DAPK2: variants seen among roughly 807,000 people sequenced by gnomAD.
The protein encoded by DAPK2 is death associated protein kinase 2, also known as death-associated protein kinase 2.
DAPK2 carries 35 observed loss-of-function variants against 44.1 expected under a neutral mutation model. The observed-to-expected ratio is 0.79, with a 90% CI of 0.61 to 1.05. The LOEUF (loss-of-function observed/expected upper bound fraction) is 1.05. Ranked by LOEUF, DAPK2 falls within the 50% of genes least tolerant of loss-of-function variation. The pLI is 0.00. For synonymous variants in DAPK2, 174 were observed against 182.6 expected, an observed-to-expected ratio of 0.95 and a Z score of 0.38; for missense variants, 453 against 483.2, an observed-to-expected ratio of 0.94 and a Z score of 0.59.
intron 1 of DAPK2, among the ~76,000 whole-genome samples, chr15:64,018,111 A>G (rs1317839275): frequency 6.6e-6 from 1 of 152,196 alleles, no homozygotes; most frequent in African/African-American, 2.4e-5. Context: ...CAAAACATAC[A>G]TCCTTTCTCT....
intron 1 of DAPK2, among the ~76,000 whole-genome samples, chr15:64,005,757 G>A (rs562944681): frequency 1.3e-5 from 2 of 152,172 alleles, no homozygotes; most frequent in South Asian, 4.1e-4. Flanking sequence ...GGCTGGGCAT[G>A]GTGGTGCGTG....
intron 8 of DAPK2, among the ~76,000 whole-genome samples, chr15:63,915,138 AGTT>A (rs752281455): frequency 2.0e-5 from 3 of 152,224 alleles, no homozygotes; most frequent in African/African-American, 7.2e-5. Context: ...CTATGTAAAT[AGTT>A]GTCACACTGT....
Position 63,939,391 on chromosome 15 carries a change from AG to A in DAPK2, c.454-31del. Reference sequence around the variant, plus strand: ...ACAACAAAAAGTAGAAAAAAAAAAAAGGAAGGAAGAAAAGAAAAAAAAAGAC... The same window carrying A: ...ACAACAAAAAGTAGAAAAAAAAAAAAGAAGGAAGAAAAGAAAAAAAAAGAC... On this transcript the variant is annotated intron_variant, in intron 3 of 10. Transcript: ENST00000261891. The surrounding 1 kb of genome is among the most constrained non-coding windows in gnomAD (Gnocchi z 4.3). 1 of 1,549,136 alleles carries A rather than the reference AG, an allele frequency of 6.5e-7. No homozygotes were observed.
intron 3 of DAPK2, among the ~76,000 whole-genome samples, chr15:63,959,678 A>C (rs1273682443): frequency 6.6e-6 from 1 of 152,150 alleles, no homozygotes; most frequent in Non-Finnish European, 1.5e-5. Context: ...CATATGTTGA[A>C]CCAGCCTTGC....
At chr15:63,967,166 C>A (rs2078077446) in intron 3 of DAPK2, among the ~76,000 whole-genome samples, 1 of 151,796 alleles carries the variant, frequency 6.6e-6, no homozygotes, top group African/African-American at 2.4e-5. Context: ...GGCAACAGTG[C>A]AAGATTCAGT....
At position 63,924,821 on chromosome 15, in the gene DAPK2, TC is replaced by T; in HGVS notation, c.852del (p.Trp284Ter). On this transcript the variant is annotated frameshift_variant, in exon 8 of 11. Transcript: ENST00000261891. LOFTEE classifies it high-confidence loss of function. The stretch of plus-strand genomic sequence containing the variant: ...ACTCATGGCTGTGCCCTTACCGTGA[TC>T]CAGGGGTGTCTGAGAGCCTCTTGGA... The T allele has an allele frequency of 6.2e-7, 1 of 1,614,186 alleles. No homozygotes were observed. The highest frequency in any genetic ancestry group is 1.3e-5 in the African/African-American group (1 of 75,058).
intron 3 of DAPK2, among the ~76,000 whole-genome samples, chr15:63,951,508 A>T (rs1309343228): frequency 8.5e-5 from 13 of 152,122 alleles, no homozygotes; most frequent in Non-Finnish European, 2.9e-5. Flanking sequence ...GTGGATGTAC[A>T]ACACACACCA....
intron 4 of DAPK2, among the ~76,000 whole-genome samples, chr15:63,934,976 A>T (rs1383205181): frequency 6.6e-6 from 1 of 151,822 alleles, no homozygotes; most frequent in East Asian, 1.9e-4. Flanking sequence ...TTAATTCAGA[A>T]GTACATCTTT....
chr15:64,025,986 T>C (rs1003600339), intron 1 of DAPK2, among the ~76,000 whole-genome samples: 1 of 152,240 alleles, frequency 6.6e-6, no homozygotes, highest in African/African-American at 2.4e-5. Context: ...GGCCAGATTT[T>C]GGCTGTAGGG....
chr15:63,984,778 C>A (rs2078625272), intron 1 of DAPK2, among the ~76,000 whole-genome samples: 1 of 152,204 alleles, frequency 6.6e-6, no homozygotes, highest in African/African-American at 2.4e-5. Flanking sequence ...AAGAGGTACA[C>A]TCTTAGTGGC....
intron 3 of DAPK2, among the ~76,000 whole-genome samples, chr15:63,949,029 G>A (rs114200367): frequency 1.3e-3 from 200 of 152,258 alleles, no homozygotes; most frequent in African/African-American, 4.5e-3. Flanking sequence ...AGCTGATGCC[G>A]GCGTGCCTTC....
At chr15:63,929,519 T>C (rs774665583) in intron 6 of DAPK2, 32 bp downstream of exon 7, 1 of 1,613,786 alleles carries the variant, frequency 6.2e-7, no homozygotes, top group Non-Finnish European at 8.5e-7. Context: ...AGATCTAAGC[T>C]GAGCCAGAGC....
At chr15:64,017,694 C>T (rs1272772464) in intron 1 of DAPK2, among the ~76,000 whole-genome samples, 1 of 152,208 alleles carries the variant, frequency 6.6e-6, no homozygotes, top group Non-Finnish European at 1.5e-5. Context: ...ATTATCCCTG[C>T]CTAACTAGAA....
chr15:63,986,530 TC>T (rs1380044793), intron 1 of DAPK2, among the ~76,000 whole-genome samples: 1 of 152,046 alleles, frequency 6.6e-6, no homozygotes, highest in African/African-American at 2.4e-5. Flanking sequence ...GCTCAAGCAA[TC>T]CTCCCAACCT....
At chr15:63,992,034 A>T (rs1371320780) in intron 1 of DAPK2, among the ~76,000 whole-genome samples, 2 of 152,056 alleles carry the variant, frequency 1.3e-5, no homozygotes, top group Admixed American at 6.5e-5. Flanking sequence ...GTTGCGGGGT[A>T]CAGGGAGTCA....
intron 1 of DAPK2, among the ~76,000 whole-genome samples, chr15:64,030,460 AG>A (rs1192308559): frequency 4.6e-5 from 7 of 152,202 alleles, no homozygotes; most frequent in East Asian, 1.9e-4. Context: ...TGTGGCTACA[AG>A]TCTCATGGGT....
At chr15:63,947,127 C>A (rs1485192826) in intron 3 of DAPK2, among the ~76,000 whole-genome samples, 6 of 152,156 alleles carry the variant, frequency 3.9e-5, no homozygotes, top group Non-Finnish European at 8.8e-5. Context: ...TCACCCCATC[C>A]CACCCTGCAG....
intron 1 of DAPK2, among the ~76,000 whole-genome samples, chr15:64,033,795 C>T (rs1308048851): frequency 6.6e-6 from 1 of 151,984 alleles, no homozygotes; most frequent in Non-Finnish European, 1.5e-5. Context: ...ATAGTCCCAG[C>T]TACTCTGGAG....
chr15:64,030,384 G>A (rs1200941148), intron 1 of DAPK2, among the ~76,000 whole-genome samples: 1 of 152,148 alleles, frequency 6.6e-6, no homozygotes, highest in African/African-American at 2.4e-5. Context: ...TGACAGGGCT[G>A]CTGGCTCCCC....
Sources: gnomAD v4.1 joint callset for allele counts (sites outside exome capture counted in the v4.1 genomes callset) on GRCh38, gnomAD v4.1.1 for gene constraint, Gnocchi (gnomAD v3.1) non-coding constraint, MANE v1.5 for transcripts, NCBI Gene and HGNC (gene_info 2026-07-23, HGNC 2026-07-21) for gene names.